WASL: variants seen among roughly 807,000 people sequenced by gnomAD.
The protein encoded by WASL is actin nucleation-promoting factor WASL.
Under a neutral mutation model 55.5 loss-of-function variants are expected in WASL, and 20 were observed. That is an observed-to-expected ratio of 0.36 (90% CI 0.25 to 0.52). WASL has a LOEUF of 0.52. Among genes scored for constraint, WASL ranks in the 20% least tolerant of loss-of-function variants. The probability of loss-of-function intolerance (pLI) is 0.92; values close to 1 mark genes in which losing one functional copy is unlikely to be tolerated. For synonymous variants in WASL, 249 were observed against 217.6 expected (o/e 1.14, Z -1.27); for missense variants, 504 against 622.5 (o/e 0.81, Z 2.03).
At chr7:123,736,531 T>C (rs945395484) in intron 1 of WASL, among the ~76,000 whole-genome samples, 1 of 152,170 alleles carries the variant, frequency 6.6e-6, no homozygotes, top group Non-Finnish European at 1.5e-5. Context: ...TAATAGTCGG[T>C]AGGGCTACGT....
chr7:123,698,101 G>C (rs1393253979), intron 5 of WASL, among the ~76,000 whole-genome samples: 1 of 150,760 alleles, frequency 6.6e-6, no homozygotes, highest in Non-Finnish European at 1.5e-5. Context: ...CTTTCCCTTT[G>C]CTGATTTTGT....
intron 1 of WASL, among the ~76,000 whole-genome samples, chr7:123,726,148 G>A (rs906883584): frequency 2.6e-5 from 4 of 152,004 alleles, no homozygotes; most frequent in African/African-American, 9.7e-5. Context: ...TATTATATAA[G>A]GATGGAAAAA....
chr7:123,705,517 A>G lies in WASL; in HGVS notation c.436+760T>C, dbSNP rs567774797. Reference sequence around the variant, plus strand: ...GAGTCATTGGCATACAGTTTTTGGAACTATAGGACTGGATGAAAGCACATG... The same window carrying G: ...GAGTCATTGGCATACAGTTTTTGGAGCTATAGGACTGGATGAAAGCACATG... On this transcript the variant is annotated intron_variant, in intron 4 of 10. Coordinates refer to ENST00000223023, the MANE Select transcript of WASL (RefSeq NM_003941.4). Among the ~76,000 whole-genome samples the G allele has an allele frequency of 2.6e-5, 4 of 152,280 alleles. No homozygotes were observed. The South Asian group carries it at 8.3e-4, about 32-fold the overall frequency.
chr7:123,737,594 C>A (rs1172070576), intron 1 of WASL, among the ~76,000 whole-genome samples: 2 of 48,332 alleles, frequency 4.1e-5, no homozygotes, highest in African/African-American at 5.7e-5. Flanking sequence ...GACTCCGTCT[C>A]CCAAAAAAAA....
At chr7:123,743,597 G>C (rs1468761994) in intron 1 of WASL, among the ~76,000 whole-genome samples, 1 of 152,088 alleles carries the variant, frequency 6.6e-6, no homozygotes, top group African/African-American at 2.4e-5. Flanking sequence ...ATATAGAGCT[G>C]AAAATTTTAC....
chr7:123,714,082 T>A (rs796286209), intron 1 of WASL, among the ~76,000 whole-genome samples: 4 of 152,356 alleles, frequency 2.6e-5, no homozygotes, highest in African/African-American at 9.6e-5. Context: ...AAGAATTTGG[T>A]TGAATTCCTA....
intron 1 of WASL, among the ~76,000 whole-genome samples, chr7:123,733,913 CAAAA>C (rs33913069): frequency 7.2e-5 from 8 of 110,760 alleles, no homozygotes; most frequent in Non-Finnish European, 9.2e-5. Context: ...ATCCACGTGC[CAAAA>C]AAAAAAAAAA....
At chr7:123,747,905 A>C (rs1403705032) in intron 1 of WASL, among the ~76,000 whole-genome samples, 1 of 152,070 alleles carries the variant, frequency 6.6e-6, no homozygotes, top group Non-Finnish European at 1.5e-5. Context: ...CGGCCCCAAA[A>C]GCCAAGAGCT....
Position 123,748,604 on chromosome 7 carries a change from T to A in WASL, c.117+14A>T, listed in dbSNP as rs150011243. On this transcript the variant is annotated intron_variant, in intron 1 of 10. Coordinates refer to ENST00000223023, the MANE Select transcript of WASL (RefSeq NM_003941.4). ...GTAATGTCACGGGTGGCGACGCGGGTCTCGTCCACTGACCACACATTTCTT... is the reference window on the plus strand; with the variant it reads ...GTAATGTCACGGGTGGCGACGCGGGACTCGTCCACTGACCACACATTTCTT... The A allele has an allele frequency of 3.7e-4, 592 of 1,612,120 alleles. 3 individuals are homozygous for A. In the East Asian group the frequency reaches 9.5e-3, roughly 26 times the overall value.
chr7:123,727,214 C>T (rs1016517398), intron 1 of WASL, among the ~76,000 whole-genome samples: 1 of 152,114 alleles, frequency 6.6e-6, no homozygotes, highest in Non-Finnish European at 1.5e-5. Context: ...TGGGAAGTCT[C>T]ATACATAGCT....
At chr7:123,704,276 C>T (rs1037601549) in intron 5 of WASL, among the ~76,000 whole-genome samples, 6 of 152,132 alleles carry the variant, frequency 3.9e-5, no homozygotes, top group Admixed American at 1.3e-4. Context: ...ACAAAATGTA[C>T]TGCCTCTAGG....
intron 1 of WASL, among the ~76,000 whole-genome samples, chr7:123,711,376 A>G (rs530403922): frequency 5.3e-5 from 8 of 152,330 alleles, no homozygotes; most frequent in Middle Eastern, 6.8e-3. Flanking sequence ...TAACAATGCT[A>G]TAATTTTTCA....
rs1803204594 is a variant in WASL at position 123,681,978 on chromosome 7, T to C, written c.*2541A>G. 6.6e-6 allele frequency: 1 copy of C among 152,142 alleles called. No individual in the cohort carries two copies. Among genetic ancestry groups the C allele is most frequent in the Non-Finnish European group, 1.5e-5 (1 of 68,018 alleles). The allele number at this position is 152,142 out of a possible 1,614,324, so 9.4% of individuals were successfully genotyped here. ...GTCAAATTAATTTTATTATGCTCCATGATGAATTGCCACCAGTGCAACATC... is the reference window on the plus strand; with the variant it reads ...GTCAAATTAATTTTATTATGCTCCACGATGAATTGCCACCAGTGCAACATC... On this transcript the variant is annotated 3_prime_UTR_variant, in exon 11 of 11. Coordinates refer to ENST00000223023, the MANE Select transcript of WASL (RefSeq NM_003941.4).
intron 1 of WASL, among the ~76,000 whole-genome samples, chr7:123,743,371 C>T (rs1368596839): frequency 6.6e-6 from 1 of 150,880 alleles, no homozygotes; most frequent in African/African-American, 2.4e-5. Flanking sequence ...TGTTCATATT[C>T]ACAATGTATG....
intron 4 of WASL, among the ~76,000 whole-genome samples, chr7:123,704,865 G>C (rs941971424): frequency 2.0e-5 from 3 of 152,138 alleles, no homozygotes; most frequent in African/African-American, 7.2e-5. Flanking sequence ...GGTGCAACAT[G>C]AAAGAACATC....
chr7:123,689,924 T>A (rs1436791133), intron 9 of WASL, among the ~76,000 whole-genome samples: 1 of 152,188 alleles, frequency 6.6e-6, no homozygotes, highest in Non-Finnish European at 1.5e-5. Flanking sequence ...AAACTTTCCA[T>A]TTTGATCTGT....
chr7:123,702,727 A>T (rs2116782502), intron 5 of WASL, among the ~76,000 whole-genome samples: 1 of 152,276 alleles, frequency 6.6e-6, no homozygotes, highest in South Asian at 2.1e-4. Context: ...TATTATGAGT[A>T]CTCTACAGAG....
intron 1 of WASL, among the ~76,000 whole-genome samples, chr7:123,714,107 G>A (rs1584865101): frequency 6.6e-6 from 1 of 152,274 alleles, no homozygotes; most frequent in East Asian, 1.9e-4. Flanking sequence ...TTATTATGTA[G>A]TGATCTCATG....
chr7:123,701,945 T>A (rs1369081487), intron 5 of WASL, among the ~76,000 whole-genome samples: 1 of 148,704 alleles, frequency 6.7e-6, no homozygotes, highest in Non-Finnish European at 1.5e-5. Context: ...ACAACACTAT[T>A]AAAAAAAAAA....
Sources: gnomAD v4.1 joint callset for allele counts (sites outside exome capture counted in the v4.1 genomes callset) on GRCh38, gnomAD v4.1.1 for gene constraint, MANE v1.5 for transcripts, NCBI Gene and HGNC (gene_info 2026-07-23, HGNC 2026-07-21) for gene names.